Variants in UCHL5 observed in about 807,000 individuals in gnomAD.
UCHL5 encodes ubiquitin C-terminal hydrolase L5.
In UCHL5, 34 loss-of-function variants were observed where a neutral mutation model predicts 53.8. The observed-to-expected ratio is 0.63, with a 90% CI of 0.48 to 0.84. The LOEUF (loss-of-function observed/expected upper bound fraction) is 0.84. UCHL5 is among the 40% of genes least tolerant of loss of function. The pLI, the probability that UCHL5 is intolerant of heterozygous loss-of-function variation, is 0.00. For synonymous variants in UCHL5, 111 were observed against 126.3 expected (o/e 0.88, Z 0.81); for missense variants, 290 against 385.6 (o/e 0.75, Z 2.08).
At position 193,015,748 on chromosome 1, in the gene UCHL5, C is replaced by A. The variant is rs574820314; in HGVS notation, c.*603G>T. 1 of 152,144 alleles carries A rather than the reference C, an allele frequency of 6.6e-6. No homozygotes were observed. Among genetic ancestry groups the A allele is most frequent in the South Asian group, 2.1e-4 (1 of 4,828 alleles). 9.4% of individuals were successfully genotyped at this position (152,144 alleles called of 1,614,324 possible). The stretch of plus-strand genomic sequence containing the variant: ...ATACATAAACAAATAACCCCAAACA[C>A]TTGAAGAAAATTTACTAAAATAAAA... On this transcript the variant is annotated 3_prime_UTR_variant, in exon 11 of 11. Transcript: ENST00000367454.
chr1:193,059,418 G>C (rs374438890), upstream of UCHL5: 1 of 1,610,696 alleles, frequency 6.2e-7, no homozygotes, highest in Admixed American at 1.7e-5. This position sits in a 1 kb window ranked among gnomAD's most constrained non-coding sequence, Gnocchi z 4.9. Context: ...GTCACCTGCA[G>C]CGCGACTGAG....
At chr1:193,018,769 T>C (rs751330664) in intron 10 of UCHL5, 2 of 1,538,324 alleles carry the variant, frequency 1.3e-6, no homozygotes, top group Non-Finnish European at 1.8e-6. Flanking sequence ...ATATCTTTCC[T>C]GTTTGTTTCC....
Position 193,029,514 on chromosome 1 carries a change from TA to T in UCHL5, c.372+17del, listed in dbSNP as rs1558050464. 6.2e-7 allele frequency: 1 copy of T among 1,612,830 alleles called. No homozygotes were observed. On this transcript the variant is annotated intron_variant, in intron 4 of 10. Coordinates refer to ENST00000367454, the MANE Select transcript of UCHL5 (RefSeq NM_001199261.3). ...TTTCACAAATATGACATTTTAGGAA[TA>T]AGAAGATTGTACTCACAGCTGCATC...
chr1:193,026,089 CAAA>C (rs200994694), intron 7 of UCHL5, among the ~76,000 whole-genome samples: 7 of 64,370 alleles, frequency 1.1e-4, no homozygotes, highest in Admixed American at 1.7e-4. Context: ...TATGCATAGG[CAAA>C]AAAAAAAAAA....
intron 7 of UCHL5, among the ~76,000 whole-genome samples, chr1:193,025,227 TAATCATTCCAC>T (rs1658725736): frequency 6.6e-6 from 1 of 152,134 alleles, no homozygotes; most frequent in Non-Finnish European, 1.5e-5. Flanking sequence ...TTTTAGACAA[TAATCATTCCAC>T]TATAGCCAAA....
chr1:193,021,881 G>C (rs1302209014), intron 9 of UCHL5, among the ~76,000 whole-genome samples: 1 of 152,036 alleles, frequency 6.6e-6, no homozygotes, highest in Non-Finnish European at 1.5e-5. Flanking sequence ...TTTTATAGCA[G>C]TATGACAATC....
chr1:193,034,799 C>T (rs748857649), intron 3 of UCHL5, among the ~76,000 whole-genome samples: 6 of 151,656 alleles, frequency 4.0e-5, no homozygotes, highest in East Asian at 3.8e-4. Context: ...TAGAAAAATC[C>T]GAACATAATT....
intron 3 of UCHL5, among the ~76,000 whole-genome samples, chr1:193,037,857 C>T (rs975698060): frequency 7.2e-6 from 1 of 138,956 alleles, no homozygotes; most frequent in African/African-American, 2.7e-5. Flanking sequence ...CAAACCTGCA[C>T]GTTGTGCACA....
intron 3 of UCHL5, 154 bp downstream of exon 3, chr1:193,049,592 C>T: frequency 2.1e-6 from 1 of 485,130 alleles, no homozygotes; most frequent in Non-Finnish European, 3.6e-6. Context: ...TTTGAGATGT[C>T]AATAATTTTT....
chr1:193,059,844 A>T, upstream of UCHL5: 1 of 1,362,028 alleles, frequency 7.3e-7, no homozygotes, highest in Non-Finnish European at 9.8e-7. This position sits in a 1 kb window ranked among gnomAD's most constrained non-coding sequence, Gnocchi z 4.9. Flanking sequence ...AATTCTGACC[A>T]GTCCTCCATG....
At chr1:193,033,701 A>G (rs550997856) in intron 3 of UCHL5, among the ~76,000 whole-genome samples, 2 of 152,238 alleles carry the variant, frequency 1.3e-5, no homozygotes, top group Admixed American at 1.3e-4. Flanking sequence ...GCTCATGAAG[A>G]CTCTATAAAG....
chr1:193,027,736 ATGTT>A (rs1324501884), intron 7 of UCHL5: 1 of 342,472 alleles, frequency 2.9e-6, no homozygotes, highest in East Asian at 1.1e-4. Context: ...GGAAATCTGC[ATGTT>A]TAACTTCTCT....
intron 3 of UCHL5, among the ~76,000 whole-genome samples, chr1:193,045,694 T>C (rs762691567): frequency 6.6e-6 from 1 of 152,146 alleles, no homozygotes; most frequent in Non-Finnish European, 1.5e-5. Context: ...CTAACACAAA[T>C]ATACACAAAC....
At chr1:193,031,765 A>G (rs1661497008) in intron 3 of UCHL5, among the ~76,000 whole-genome samples, 1 of 152,184 alleles carries the variant, frequency 6.6e-6, no homozygotes, top group Non-Finnish European at 1.5e-5. Flanking sequence ...TTGTCCTCCT[A>G]AATCTCACAT....
At chr1:193,034,236 C>G (rs1662556174) in intron 3 of UCHL5, among the ~76,000 whole-genome samples, 1 of 151,430 alleles carries the variant, frequency 6.6e-6, no homozygotes, top group Non-Finnish European at 1.5e-5. Context: ...CACTATCACA[C>G]AAACATGCAA....
intron 1 of UCHL5, among the ~76,000 whole-genome samples, chr1:193,057,609 ATT>A (rs1386060997): frequency 6.6e-6 from 1 of 152,224 alleles, no homozygotes; most frequent in African/African-American, 2.4e-5. Flanking sequence ...ATTAAAATAT[ATT>A]TGATAGGTAA....
intron 3 of UCHL5, among the ~76,000 whole-genome samples, chr1:193,042,137 T>C (rs539960947): frequency 1.3e-5 from 2 of 149,364 alleles, no homozygotes; most frequent in East Asian, 3.9e-4. Context: ...ACTCCCAAAA[T>C]GTATATAGAG....
At chr1:193,037,890 T>TAA (rs71111446) in intron 3 of UCHL5, among the ~76,000 whole-genome samples, 1,971 of 118,772 alleles carry the variant, frequency 0.017, 60 homozygotes, top group African/African-American at 0.048. Flanking sequence ...CTTAAAGTAT[T>TAA]AAAAAAAAAA....
intron 3 of UCHL5, among the ~76,000 whole-genome samples, chr1:193,043,444 A>G (rs1666364096): frequency 6.6e-6 from 1 of 152,090 alleles, no homozygotes; most frequent in African/African-American, 2.4e-5. Flanking sequence ...ACTGTCACTT[A>G]CTCAGAGAGG....
Sources: allele counts gnomAD v4.1 joint callset (sites outside exome capture counted in the v4.1 genomes callset), GRCh38; gene constraint gnomAD v4.1.1; non-coding constraint Gnocchi (gnomAD v3.1); transcripts MANE v1.5; gene names NCBI Gene and HGNC (gene_info 2026-07-23, HGNC 2026-07-21).